Variants in ATP5F1A observed in about 807,000 individuals in gnomAD.
ATP5F1A encodes the protein ATP synthase F(1) complex subunit alpha, mitochondrial.
A neutral mutation model predicts 57.4 loss-of-function variants in ATP5F1A; 24 were observed. The ratio of observed to expected loss-of-function variants is 0.42; its 90% confidence interval spans 0.30 to 0.59. ATP5F1A has a LOEUF of 0.59. ATP5F1A is among the 20% of genes least tolerant of loss of function. The pLI is 0.19. For synonymous variants in ATP5F1A, 251 were observed against 255.5 expected (o/e 0.98, Z 0.17); for missense variants, 494 against 707.9 (o/e 0.70, Z 3.43).
chr18:46,094,782 G>C (rs967861257), intron 2 of ATP5F1A: 1 of 307,156 alleles, frequency 3.3e-6, no homozygotes, highest in Non-Finnish European at 5.7e-6. Flanking sequence ...ATTACCTAGT[G>C]TATGTTCTTT....
At chr18:46,099,311 GC>G (rs1911194185), upstream of ATP5F1A, 1 of 151,302 alleles carries the variant, frequency 6.6e-6, no homozygotes, top group African/African-American at 2.4e-5. Context: ...ACCTGGATGG[GC>G]TTTTTTTTTT....
chr18:46,090,455 G>A (rs1239881406), intron 3 of ATP5F1A, among the ~76,000 whole-genome samples: 40 of 151,580 alleles, frequency 2.6e-4, no homozygotes, highest in Non-Finnish European at 2.9e-5. Flanking sequence ...TGTACTCTTC[G>A]AGTTAGTAGA....
chr18:46,081,692 A>AAAAAAAAAAAAAAAAC lies in ATP5F1A; in HGVS notation c.*2589_*2590insGTTTTTTTTTTTTTTT, dbSNP rs1568240735. On this transcript the variant is annotated 3_prime_UTR_variant, in exon 12 of 12. Coordinates refer to ENST00000398752, the MANE Select transcript of ATP5F1A (RefSeq NM_004046.6). ...AAAAAACAAAAAAAAAAAAAAAAAAAAAAAACGAAATGTGCAGAACCTTCT... is the reference window on the plus strand; with the variant it reads ...AAAAAACAAAAAAAAAAAAAAAAAAAAAAAAAAAAAAAAAACAAAAACGAAATGTGCAGAACCTTCT... The AAAAAAAAAAAAAAAAC allele has an allele frequency of 2.6e-4, 37 of 144,430 alleles. No individual in the cohort carries two copies. Among genetic ancestry groups the AAAAAAAAAAAAAAAAC allele is most frequent in the Non-Finnish European group, 4.3e-4 (28 of 65,346 alleles). The allele number at this position is 144,430 out of a possible 1,614,324, so 8.9% of individuals were successfully genotyped here. A position where few individuals can be genotyped will look rare whatever the true frequency, so the allele number is the denominator to read the frequency against.
At position 46,088,134 on chromosome 18, in the gene ATP5F1A, C is replaced by T. The variant is rs779730876; in HGVS notation, c.774G>A (p.Gln258=). 1.3e-6 allele frequency: 2 copies of T among 1,598,396 alleles called. No individual in the cohort carries two copies. The highest frequency in any genetic ancestry group is 2.2e-5 in the East Asian group (1 of 44,646). The stretch of plus-strand genomic sequence containing the variant: ...CTGCATCTGTAAGTCTCTTCACCAA[C>T]TGGGCAACAGTGGATCTCTTTTGAC... ...AIGQKRSTVA[Q]LVKRLTDADA... is the part of the protein sequence containing the mutation. Residue 258 remains glutamine (Q), a synonymous_variant, in exon 6 of 12, where the codon CAG becomes CAA. Coordinates refer to ENST00000398752, the MANE Select transcript of ATP5F1A (RefSeq NM_004046.6).
chr18:46,096,753 G>A (rs759049464), intron 1 of ATP5F1A, among the ~76,000 whole-genome samples: 22 of 151,092 alleles, frequency 1.5e-4, no homozygotes, highest in Non-Finnish European at 1.2e-4. Flanking sequence ...AGGCCGAGGC[G>A]AGCGGATCAC....
chr18:46,095,255 A>G (rs1910857515), intron 1 of ATP5F1A, 124 bp from the exon 2 acceptor site: 1 of 868,890 alleles, frequency 1.2e-6, no homozygotes, highest in African/African-American at 1.7e-5. Context: ...CATATAAAGC[A>G]TTTTGTTTAA....
At chr18:46,091,082 C>T (rs1257683485) in intron 3 of ATP5F1A, among the ~76,000 whole-genome samples, 1 of 152,174 alleles carries the variant, frequency 6.6e-6, no homozygotes, top group Admixed American at 6.5e-5. Flanking sequence ...TAGACATTAC[C>T]AAGAGTATCA....
intron 3 of ATP5F1A, 131 bp downstream of exon 3, chr18:46,091,548 GATA>G (rs1472563375): frequency 1.0e-6 from 1 of 978,004 alleles, no homozygotes; most frequent in Non-Finnish European, 1.5e-6. Context: ...TACAATCTAT[GATA>G]ATAACAAGAA....
Position 46,087,145 on chromosome 18 carries a change from G to T in ATP5F1A, c.1039C>A (p.Arg347=). 6.2e-7 allele frequency: 1 copy of T among 1,614,184 alleles called. No homozygotes were observed. Among genetic ancestry groups the T allele is most frequent in the South Asian group, 1.1e-5 (1 of 91,082 alleles). ...ATTTTGGCTGCTCTCTCCAGCAACCGGGAGTGTAGGTAGAACACATCACCA... is the reference window on the plus strand; with the variant it reads ...ATTTTGGCTGCTCTCTCCAGCAACCTGGAGTGTAGGTAGAACACATCACCA... ...YPGDVFYLHS[R]LLERAAKMND... is the part of the protein sequence containing the mutation. The change falls in exon 8 of 12, where the codon CGG becomes AGG. Residue 347 remains arginine, a synonymous_variant. Transcript: ENST00000398752.
At chr18:46,101,114 G>C (rs1481379115), upstream of ATP5F1A, among the ~76,000 whole-genome samples, 3 of 152,158 alleles carry the variant, frequency 2.0e-5, no homozygotes, top group Non-Finnish European at 4.4e-5. Context: ...ATAGCGGGCA[G>C]TTTCAGCAGC....
In ATP5F1A at chr18:46,087,544, G is replaced by A. The variant is rs767334236; in HGVS notation, c.800-52C>T. The A allele has an allele frequency of 6.9e-6, 11 of 1,583,928 alleles. No individual in the cohort carries two copies. The African/African-American group carries it at 1.5e-4, about 22-fold the overall frequency. On this transcript the variant is annotated intron_variant, in intron 6 of 11. Transcript: ENST00000398752. ...TCAATATTGTGGTTTTAAATTGGAG[G>A]CTACTATAAAAATTACCTAAGTGCT... is the stretch of plus-strand genomic sequence containing the variant.
upstream of ATP5F1A, chr18:46,098,390 C>T (rs1911146911): frequency 6.0e-6 from 8 of 1,332,532 alleles, no homozygotes; most frequent in South Asian, 1.2e-4. Context: ...CCCGCCGCCA[C>T]TCTGCATTTT....
chr18:46,098,310 G>T (rs542354061), upstream of ATP5F1A: 161 of 1,506,228 alleles, frequency 1.1e-4, 3 homozygotes, highest in South Asian at 1.8e-3. Context: ...GAGCCGCAAA[G>T]AAGGTCAAGA....
upstream of ATP5F1A, chr18:46,098,304 C>T: frequency 1.3e-6 from 2 of 1,524,952 alleles, no homozygotes; most frequent in Non-Finnish European, 8.8e-7. Context: ...ATGGCCGAGC[C>T]GCAAAGAAGG....
rs941949827 is a variant in ATP5F1A at position 46,081,037 on chromosome 18, G to C, written c.*3245C>G. The C allele has an allele frequency of 6.7e-6, 1 of 150,080 alleles. No homozygotes were observed. Among genetic ancestry groups the C allele is most frequent in the Non-Finnish European group, 1.5e-5 (1 of 67,780 alleles). 9.3% of individuals were successfully genotyped at this position (150,080 alleles called of 1,614,324 possible). A position where few individuals can be genotyped will look rare whatever the true frequency, so the allele number is the denominator to read the frequency against. On this transcript the variant is annotated 3_prime_UTR_variant, in exon 12 of 12. Coordinates refer to ENST00000398752, the MANE Select transcript of ATP5F1A (RefSeq NM_004046.6). ...CACAGCTACTCAGGAGGCTGAGGTA[G>C]GAGAATCACTTGAACCCAGGAGGTG...
rs1910159476 is a variant in ATP5F1A, at chr18:46,087,116, G to A, written c.1068C>T (p.Asn356=). The part of the protein sequence containing the change: ...SRLLERAAKM[N]DAFGGGSLTA... Reference sequence around the variant, plus strand: ...TCAAGGAGCCACCACCAAAAGCATCGTTCATTTTGGCTGCTCTCTCCAGCA... The same window carrying A: ...TCAAGGAGCCACCACCAAAAGCATCATTCATTTTGGCTGCTCTCTCCAGCA... The change falls in exon 8 of 12, where the codon AAC becomes AAT. Residue 356 remains asparagine (N), a synonymous_variant. Transcript: ENST00000398752. The A allele has an allele frequency of 2.5e-6, 4 of 1,614,018 alleles. No individual in the cohort carries two copies. Among genetic ancestry groups the A allele is most frequent in the South Asian group, 1.1e-5 (1 of 91,090 alleles).
chr18:46,087,955 T>C (rs993863977), intron 6 of ATP5F1A, 154 bp downstream of exon 6: 1 of 741,262 alleles, frequency 1.3e-6, no homozygotes, highest in Non-Finnish European at 2.2e-6. Flanking sequence ...TTAAATGTAC[T>C]ACTGTTTTAC....
chr18:46,091,990 T>C (rs1384127098), intron 2 of ATP5F1A, 139 bp from the exon 3 acceptor site: 7 of 631,464 alleles, frequency 1.1e-5, no homozygotes, highest in Non-Finnish European at 1.5e-5. Context: ...CTGACCAACA[T>C]GGAGAACCCT....
rs1167999123 is a variant in ATP5F1A, at chr18:46,081,506, A to C, written c.*2776T>G. 1 of 151,556 alleles carries C rather than the reference A, an allele frequency of 6.6e-6. No individual in the cohort carries two copies. Among genetic ancestry groups the C allele is most frequent in the South Asian group, 2.1e-4 (1 of 4,800 alleles). 9.4% of individuals were successfully genotyped at this position (151,556 alleles called of 1,614,324 possible). A position where few individuals can be genotyped will look rare whatever the true frequency, so the allele number is the denominator to read the frequency against. ...ATGGAGAAACCCCATCTCTACTAAA[A>C]ATACAAAATTAGCCAGGCGTGGTGG... On this transcript the variant is annotated 3_prime_UTR_variant, in exon 12 of 12. Transcript: ENST00000398752.
Sources: allele counts gnomAD v4.1 joint callset (sites outside exome capture counted in the v4.1 genomes callset), GRCh38; gene constraint gnomAD v4.1.1; transcripts MANE v1.5; gene names NCBI Gene and HGNC (gene_info 2026-07-23, HGNC 2026-07-21).